The following COL27A1 variants were observed in gnomAD, a reference collection of about 807,000 sequenced individuals.
COL27A1 encodes collagen type XXVII alpha 1 chain.
A neutral mutation model predicts 251.3 loss-of-function variants in COL27A1; 106 were observed. The ratio of observed to expected loss-of-function variants is 0.42; its 90% CI spans 0.36 to 0.50. The LOEUF (loss-of-function observed/expected upper bound fraction) is 0.50. Among genes scored for constraint, COL27A1 ranks in the 20% least tolerant of loss-of-function variants. The pLI is 0.00. For missense variants in COL27A1, 2,325 were observed against 2,522.8 expected (o/e 0.92, Z 1.68); for synonymous variants, 1,000 against 986.3 (o/e 1.01, Z -0.26).
At chr9:114,235,676 C>CCCCTTG (rs1181500416) in intron 17 of COL27A1, 24 bp downstream of exon 17, 3 of 1,585,046 alleles carry the variant, frequency 1.9e-6, no homozygotes, top group East Asian at 4.5e-5. Context: ...ATTTTCCCCT[C>CCCCTTG]CCCCTGCCCC....
chr9:114,275,767 G>T lies in COL27A1; in HGVS notation c.3716G>T (p.Arg1239Leu). 6.5e-7 allele frequency: 1 copy of T among 1,541,202 alleles called. No homozygotes were observed. Residue 1239 changes from arginine to leucine, a missense_variant and splice_region_variant, in exon 37 of 61, where the codon CGG (arginine) becomes CTG (leucine). By Grantham distance (102) the Arg-to-Leu change is moderately radical. Coordinates refer to ENST00000356083, the MANE Select transcript of COL27A1 (RefSeq NM_032888.4). ...PPGPPGVTGV[R>L]GPEGKSGKQG... ...GGCCCCCCTGGCGTCACTGGTGTCC[G>T]GGTGAGTGTGCAGGCCCCTTGCAGC...
chr9:114,311,938 C>A lies in COL27A1; in HGVS notation c.*1243C>A, dbSNP rs1028391630. On this transcript the variant is annotated 3_prime_UTR_variant, in exon 61 of 61. Coordinates refer to ENST00000356083, the MANE Select transcript of COL27A1 (RefSeq NM_032888.4). ...ATCATCGTTCCTGCTTTTTCATTGTCATTAAATTCTGTAGAAACCCATTGT... is the reference window on the plus strand; with the variant it reads ...ATCATCGTTCCTGCTTTTTCATTGTAATTAAATTCTGTAGAAACCCATTGT... 6.6e-6 allele frequency: 1 copy of A among 152,202 alleles called. No homozygotes were observed. The highest frequency in any genetic ancestry group is 1.5e-5 in the Non-Finnish European group (1 of 68,032). The allele number at this position is 152,202 out of a possible 1,614,324, so 9.4% of individuals were successfully genotyped here.
At chr9:114,300,471 T>C (rs1828539320) in intron 50 of COL27A1, 154 bp from the exon 51 acceptor site, 2 of 581,748 alleles carry the variant, frequency 3.4e-6, no homozygotes, top group Non-Finnish European at 3.0e-6. Context: ...TGCTGAATAA[T>C]TGTAGGTGTT....
chr9:114,182,776 A>C (rs1173585887), intron 4 of COL27A1, among the ~76,000 whole-genome samples: 1 of 152,184 alleles, frequency 6.6e-6, no homozygotes, highest in East Asian at 1.9e-4. Context: ...AGTAATAACA[A>C]CACCACCTAC....
At chr9:114,237,130 C>A in intron 18 of COL27A1, 96 bp downstream of exon 18, 1 of 1,240,538 alleles carries the variant, frequency 8.1e-7, no homozygotes, top group Non-Finnish European at 1.1e-6. Flanking sequence ...ACTTCATTTC[C>A]TCCTGCAGCA....
At position 114,169,340 on chromosome 9, in the gene COL27A1, G is replaced by T; in HGVS notation, c.1785G>T (p.Ala595=). Residue 595 remains alanine, a synonymous_variant, in exon 3 of 61, where the codon GCG becomes GCT. Coordinates refer to ENST00000356083, the MANE Select transcript of COL27A1 (RefSeq NM_032888.4). ...QTTPALVLAP[A]QFLSSSPRPT... is the part of the protein sequence containing the mutation. ...CCCCGGCCCTGGTATTGGCCCCGGC[G>T]CAATTCCTGTCCTCCAGCCCCCGGC... 1.2e-6 allele frequency: 2 copies of T among 1,612,334 alleles called. No homozygotes were observed. The highest frequency in any genetic ancestry group is 1.7e-6 in the Non-Finnish European group (2 of 1,179,738).
At chr9:114,248,349 C>T (rs1249709) in intron 24 of COL27A1, among the ~76,000 whole-genome samples, 68,034 of 152,098 alleles carry the variant, frequency 0.45, 15,352 homozygotes, top group Middle Eastern at 0.48. Context: ...CCATAGCCCT[C>T]TCATTCTCAG....
At chr9:114,273,081 G>A (rs1835253282) in intron 36 of COL27A1, 1 of 152,182 alleles carries the variant, frequency 6.6e-6, no homozygotes, top group Admixed American at 6.5e-5. Flanking sequence ...TCACAAGGAC[G>A]CCCACCCCAG....
chr9:114,201,953 C>T (rs965703481), intron 7 of COL27A1, among the ~76,000 whole-genome samples: 6 of 152,176 alleles, frequency 3.9e-5, no homozygotes, highest in African/African-American at 1.4e-4. Context: ...CCCTAGAAAG[C>T]TGTGTGGCCT....
intron 19 of COL27A1, 111 bp downstream of exon 19, chr9:114,237,826 T>C (rs1832500613): frequency 1.2e-6 from 1 of 826,254 alleles, no homozygotes; most frequent in Non-Finnish European, 2.1e-6. Context: ...ACACAGGATA[T>C]GAGAGATGAG....
intron 34 of COL27A1, 66 bp from the exon 35 acceptor site, chr9:114,269,175 G>T: frequency 1.8e-6 from 2 of 1,131,188 alleles, no homozygotes; most frequent in Non-Finnish European, 2.5e-6. Context: ...GTGGAAACAG[G>T]AAGGGGTGTC....
Position 114,168,515 on chromosome 9 carries a change from C to A in COL27A1, c.960C>A (p.Thr320=). The change falls in exon 3 of 61, where the codon ACC becomes ACA. Residue 320 remains threonine, a synonymous_variant. Transcript: ENST00000356083. ...TGGCGGTGGGAGGCCCAGCCCAAAC[C>A]CCGCTGCTACCTGCCAAGCTGTCAG... The part of the protein sequence containing the change: ...QHMAVGGPAQ[T]PLLPAKLSAS... 6.2e-7 allele frequency: 1 copy of A among 1,613,922 alleles called. No homozygotes were observed. Among genetic ancestry groups the A allele is most frequent in the East Asian group, 2.2e-5 (1 of 44,850 alleles).
rs2131661320 is a variant in COL27A1 at position 114,300,678 on chromosome 9, T to C, written c.4692T>C (p.Pro1564=). Residue 1564 remains proline, a synonymous_variant, in exon 51 of 61, where the codon CCT becomes CCC. Coordinates refer to ENST00000356083, the MANE Select transcript of COL27A1 (RefSeq NM_032888.4). The part of the protein sequence containing the change: ...FKGIQGPRGP[P]GLMGKEGIVG... The stretch of plus-strand genomic sequence containing the variant: ...GCATCCAGGGCCCTCGGGGGCCACC[T>C]GGCTTGATGGTGAGTTCCCTCCCTG... 2.0e-6 allele frequency: 3 copies of C among 1,511,134 alleles called. No homozygotes were observed. Among genetic ancestry groups the C allele is most frequent in the East Asian group, 4.9e-5 (2 of 41,146 alleles). 93.6% of individuals were successfully genotyped at this position (1,511,134 alleles called of 1,614,324 possible). A position where few individuals can be genotyped will look rare whatever the true frequency, so the allele number is the denominator to read the frequency against.
chr9:114,282,384 C>T, intron 38 of COL27A1, 54 bp downstream of exon 38: 1 of 1,610,406 alleles, frequency 6.2e-7, no homozygotes, highest in Non-Finnish European at 8.5e-7. Flanking sequence ...GCATCCCTTC[C>T]CCACATCCCT....
Position 114,237,046 on chromosome 9 carries a change from C to T in COL27A1, c.2673+12C>T. The T allele has an allele frequency of 1.3e-6, 2 of 1,594,468 alleles. No homozygotes were observed. The highest frequency in any genetic ancestry group is 2.3e-5 in the South Asian group (2 of 88,176). The stretch of plus-strand genomic sequence containing the variant: ...AGCCAGGGCCTCTGGTAAGTACCTG[C>T]TCCTCCAGCACCCCCAAACCTCACA... On this transcript the variant is annotated intron_variant, in intron 18 of 60. Coordinates refer to ENST00000356083, the MANE Select transcript of COL27A1 (RefSeq NM_032888.4).
intron 2 of COL27A1, 56 bp from the exon 3 acceptor site, chr9:114,167,633 G>T: frequency 1.4e-6 from 2 of 1,461,126 alleles, no homozygotes; most frequent in Non-Finnish European, 1.9e-6. Flanking sequence ...GGTAGGGGGT[G>T]GGGTGGGCTG....
intron 6 of COL27A1, among the ~76,000 whole-genome samples, chr9:114,195,617 G>A (rs117176224): frequency 0.028 from 4,316 of 152,350 alleles, 98 homozygotes; most frequent in Admixed American, 0.049. Flanking sequence ...TGCAGGGAGA[G>A]ATGGCTGATT....
chr9:114,269,319 C>T (rs765321543), intron 35 of COL27A1, 25 bp downstream of exon 35: 2 of 1,592,740 alleles, frequency 1.3e-6, no homozygotes, highest in Non-Finnish European at 1.7e-6. Flanking sequence ...TTTATTCTTC[C>T]TGAAAGCCCC....
At chr9:114,266,249 C>T (rs140645809) in intron 32 of COL27A1, among the ~76,000 whole-genome samples, 13 of 152,152 alleles carry the variant, frequency 8.5e-5, no homozygotes, top group Admixed American at 3.9e-4. Context: ...GACATGGATC[C>T]GAGGTGGAAG....
Sources: gnomAD v4.1 joint callset for allele counts (sites outside exome capture counted in the v4.1 genomes callset) on GRCh38, gnomAD v4.1.1 for gene constraint, MANE v1.5 for transcripts, NCBI Gene and HGNC (gene_info 2026-07-23, HGNC 2026-07-21) for gene names.